The following LTA4H variants were observed in gnomAD, a reference collection of about 807,000 sequenced individuals.
The protein encoded by LTA4H is leukotriene A-4 hydrolase.
Under a neutral mutation model 89.8 loss-of-function variants are expected in LTA4H, and 59 were observed. That is an observed-to-expected ratio of 0.66 (90% CI 0.53 to 0.82). The LOEUF (loss-of-function observed/expected upper bound fraction) is 0.82. Ranked by LOEUF, LTA4H falls within the 40% of genes least tolerant of loss-of-function variation. LTA4H has a pLI of 0.00. For missense variants in LTA4H, 617 were observed against 727.0 expected, an observed-to-expected ratio of 0.85 and a Z score of 1.74; for synonymous variants, 227 against 253.1, an observed-to-expected ratio of 0.90 and a Z score of 0.98.
chr12:96,035,762 A>C, upstream of LTA4H: 1 of 916,458 alleles, frequency 1.1e-6, no homozygotes, highest in Non-Finnish European at 1.5e-6. Context: ...TGTGTTAGGG[A>C]TGTTGAGGGG....
chr12:96,005,923 T>A (rs573293815), intron 16 of LTA4H, among the ~76,000 whole-genome samples: 272 of 152,158 alleles, frequency 1.8e-3, no homozygotes, highest in Non-Finnish European at 3.3e-3. Flanking sequence ...AATTTTTATA[T>A]TTTTAGTAGA....
chr12:96,042,566 G>A (rs956246834), intron 1 of LTA4H, among the ~76,000 whole-genome samples: 1 of 152,160 alleles, frequency 6.6e-6, no homozygotes, highest in Non-Finnish European at 1.5e-5. Flanking sequence ...TCCACAGGAA[G>A]GTCTTCAAGA....
chr12:96,018,562 A>G (rs1168591819), intron 8 of LTA4H, among the ~76,000 whole-genome samples: 1 of 152,208 alleles, frequency 6.6e-6, no homozygotes, highest in Admixed American at 6.5e-5. Context: ...AACAACAAAA[A>G]AAAAATGAGA....
rs199864596 is a variant in LTA4H, at chr12:96,001,015, C to T, written c.1810G>A (p.Val604Met). Residue 604 changes from valine (V) to methionine (M), a missense_variant, in exon 19 of 19, where the codon GTG (valine) becomes ATG (methionine). Physicochemically the swap from Val to Met is conservative, Grantham distance 21. Coordinates refer to ENST00000228740, the MANE Select transcript of LTA4H (RefSeq NM_000895.3). ...TAATCCACTTTTAAGTCTTTCCCCA[C>T]CAGCATTGCAGTCACGGGATGCATG... ...ASMHPVTAML[V>M]GKDLKVD 12 of 1,613,764 alleles carry T rather than the reference C, an allele frequency of 7.4e-6. No homozygotes were observed. The highest frequency in any genetic ancestry group is 1.0e-5 in the Non-Finnish European group (12 of 1,179,680).
At chr12:96,006,484 G>C (rs1480445804) in intron 15 of LTA4H, 75 bp from the exon 16 acceptor site, 1 of 794,168 alleles carries the variant, frequency 1.3e-6, no homozygotes, top group Non-Finnish European at 2.0e-6. Context: ...TGACATAAAA[G>C]TAAAAATTGA....
chr12:96,033,908 G>A (rs188218624), intron 1 of LTA4H, among the ~76,000 whole-genome samples: 15 of 152,340 alleles, frequency 9.8e-5, no homozygotes, highest in Admixed American at 8.5e-4. Flanking sequence ...ACCAAAGTGC[G>A]ATCTGCAAGG....
chr12:96,008,565 TAAG>T (rs1161046998), intron 15 of LTA4H, among the ~76,000 whole-genome samples: 7 of 151,996 alleles, frequency 4.6e-5, no homozygotes, highest in Admixed American at 4.6e-4. Flanking sequence ...TTTTAAGAGT[TAAG>T]AAGCAAGAAA....
chr12:96,015,441 G>A (rs1263585937), intron 11 of LTA4H, 142 bp downstream of exon 11: 1 of 643,590 alleles, frequency 1.6e-6, no homozygotes, highest in Non-Finnish European at 2.8e-6. Flanking sequence ...TCAACACAGT[G>A]TTATACCAGC....
At position 96,024,562 on chromosome 12, in the gene LTA4H, A is replaced by C. The variant is rs562351869; in HGVS notation, c.412-15T>G. 130 of 1,551,018 alleles carry C rather than the reference A, an allele frequency of 8.4e-5. No individual in the cohort carries two copies. The highest frequency in any genetic ancestry group is 1.5e-4 in the Admixed American group (9 of 59,850). Reference sequence around the variant, plus strand: ...CAGTGGATGGCCTGAAAAAGGGAGAAACAAGAAGAAATAGCTATTTATCTT... The same window carrying C: ...CAGTGGATGGCCTGAAAAAGGGAGACACAAGAAGAAATAGCTATTTATCTT... On this transcript the variant is annotated splice_polypyrimidine_tract_variant and intron_variant, in intron 3 of 18. Coordinates refer to ENST00000228740, the MANE Select transcript of LTA4H (RefSeq NM_000895.3).
chr12:96,032,504 A>C (rs930669649), intron 1 of LTA4H, among the ~76,000 whole-genome samples: 1 of 152,230 alleles, frequency 6.6e-6, no homozygotes. Context: ...CTGAGATACA[A>C]AGAGTTATGA....
upstream of LTA4H, among the ~76,000 whole-genome samples, chr12:96,038,878 TTAAA>T (rs1950668447): frequency 6.6e-6 from 1 of 150,600 alleles, no homozygotes; most frequent in Non-Finnish European, 1.5e-5. Flanking sequence ...CCACTTGTGT[TTAAA>T]TAAAAATATC....
At chr12:96,018,347 G>A (rs1950406262) in intron 8 of LTA4H, among the ~76,000 whole-genome samples, 1 of 152,170 alleles carries the variant, frequency 6.6e-6, no homozygotes, top group East Asian at 1.9e-4. Flanking sequence ...TCAGAGGATC[G>A]AGACTACCCT....
intron 14 of LTA4H, chr12:96,009,771 TA>T (rs1950268404): frequency 6.6e-6 from 1 of 152,322 alleles, no homozygotes; most frequent in Non-Finnish European, 1.5e-5. Flanking sequence ...AAAGAACATG[TA>T]GTGTGTGCAA....
chr12:96,024,403 A>G (rs1290303052), intron 4 of LTA4H, 76 bp downstream of exon 4: 1 of 850,250 alleles, frequency 1.2e-6, no homozygotes, highest in African/African-American at 1.7e-5. Flanking sequence ...GAATTCAATT[A>G]TCATCTCTGC....
intron 1 of LTA4H, among the ~76,000 whole-genome samples, chr12:96,042,572 C>T (rs1950696130): frequency 1.3e-5 from 2 of 152,164 alleles, no homozygotes; most frequent in Non-Finnish European, 2.9e-5. Context: ...GGAAGGTCTT[C>T]AAGACTCAGA....
chr12:96,003,791 G>A, intron 17 of LTA4H, 47 bp downstream of exon 17: 1 of 1,324,674 alleles, frequency 7.5e-7, no homozygotes, highest in Non-Finnish European at 1.1e-6. Flanking sequence ...TTTCAAAGGA[G>A]TTTAGTTTTC....
rs937927217 is a variant in LTA4H, at chr12:96,015,681, G to A, written c.961C>T (p.His321Tyr). The change falls in exon 11 of 19, where the codon CAT becomes TAT. Residue 321 changes from histidine to tyrosine, a missense_variant. Coordinates refer to ENST00000228740, the MANE Select transcript of LTA4H (RefSeq NM_000895.3). ...ATGTGGCGTTCCAAGTACACAGTAT[G>A]TCCCTCATTTAACCTGAAAAAAAAA... ...TWDHFWLNEG[H>Y]TVYLERHICG... 6.2e-7 allele frequency: 1 copy of A among 1,604,576 alleles called. No homozygotes were observed. Among genetic ancestry groups the A allele is most frequent in the African/African-American group, 1.3e-5 (1 of 74,694 alleles).
chr12:96,011,953 T>C (rs1302142198), intron 14 of LTA4H: 1 of 152,210 alleles, frequency 6.6e-6, no homozygotes, highest in Non-Finnish European at 1.5e-5. Context: ...GCTGATACCT[T>C]TTTTAGACGT....
chr12:96,009,302 A>G, intron 14 of LTA4H, 154 bp from the exon 15 acceptor site: 1 of 600,070 alleles, frequency 1.7e-6, no homozygotes, highest in South Asian at 2.0e-5. Context: ...TACCTAACTT[A>G]CATACTACTG....
Sources: gnomAD v4.1 joint callset for allele counts (sites outside exome capture counted in the v4.1 genomes callset) on GRCh38, gnomAD v4.1.1 for gene constraint, MANE v1.5 for transcripts, NCBI Gene and HGNC (gene_info 2026-07-23, HGNC 2026-07-21) for gene names.